NRG1: variants seen among roughly 807,000 people sequenced by gnomAD.
NRG1 encodes pro-neuregulin-1, membrane-bound isoform.
A neutral mutation model predicts 63.8 loss-of-function variants in NRG1; 18 were observed. That is an observed-to-expected ratio of 0.28 (90% CI 0.19 to 0.42). The LOEUF (loss-of-function observed/expected upper bound fraction) is 0.42, where lower values mean the gene tolerates loss of function less well. Ranked by LOEUF, NRG1 falls within the 10% of genes least tolerant of loss-of-function variation. NRG1 has a pLI of 1.00. For synonymous variants in NRG1, 302 were observed against 301.3 expected (o/e 1.00, Z -0.02); for missense variants, 762 against 814.7 (o/e 0.94, Z 0.79).
chr8:32,744,974 T>C (rs563745284), intron 7 of NRG1, among the ~76,000 whole-genome samples: 1 of 152,280 alleles, frequency 6.6e-6, no homozygotes, highest in African/African-American at 2.4e-5. Context: ...ATATTTAACC[T>C]GATTTAACAA....
intron 5 of NRG1, among the ~76,000 whole-genome samples, chr8:32,720,256 A>G (rs1233460743): frequency 6.6e-6 from 1 of 152,134 alleles, no homozygotes; most frequent in Non-Finnish European, 1.5e-5. Flanking sequence ...TAGTTTGGAA[A>G]GTGACAGGTT....
intron 5 of NRG1, among the ~76,000 whole-genome samples, chr8:32,664,740 C>A (rs1345310941): frequency 6.6e-6 from 1 of 152,020 alleles, no homozygotes; most frequent in African/African-American, 2.4e-5. Flanking sequence ...GGAAGGAATA[C>A]CACTGAACTA....
At chr8:32,438,663 C>A (rs990295316) in intron 1 of NRG1, among the ~76,000 whole-genome samples, 1 of 152,162 alleles carries the variant, frequency 6.6e-6, no homozygotes, top group Non-Finnish European at 1.5e-5. Flanking sequence ...AGCAATGTGA[C>A]AGCAATTGTT....
intron 1 of NRG1, among the ~76,000 whole-genome samples, chr8:31,941,380 C>T (rs1267028640): frequency 6.6e-6 from 1 of 152,034 alleles, no homozygotes; most frequent in Non-Finnish European, 1.5e-5. Flanking sequence ...GCAAAATCTG[C>T]ATAGAAGGGT....
At chr8:32,103,084 T>A (rs551046945) in intron 1 of NRG1, among the ~76,000 whole-genome samples, 1 of 152,196 alleles carries the variant, frequency 6.6e-6, no homozygotes, top group Non-Finnish European at 1.5e-5. Context: ...AATGTACAAA[T>A]ACATTATTTT....
chr8:31,651,578 G>A (rs574364184), intron 1 of NRG1, among the ~76,000 whole-genome samples: 4 of 152,348 alleles, frequency 2.6e-5, no homozygotes, highest in African/African-American at 9.6e-5. Context: ...TGAGATGCCA[G>A]TGTTGGGTTC....
Position 32,743,223 on chromosome 8 carries a change from G to A in NRG1, c.691+490G>A, listed in dbSNP as rs886582048. On this transcript the variant is annotated intron_variant, in intron 7 of 11. Transcript: ENST00000356819. ...TTTGTCACAAATAAACATAATAAAA[G>A]GAGTTCAGATGTTTTTCTTCATTAA... 5 of 985,364 alleles carry A rather than the reference G, an allele frequency of 5.1e-6. No homozygotes were observed. The African/African-American group carries it at 5.2e-5, about 10-fold the overall frequency. The allele number at this position is 985,364 out of a possible 1,614,324, so 61.0% of individuals were successfully genotyped here.
chr8:32,277,320 C>T (rs1455305733), intron 1 of NRG1, among the ~76,000 whole-genome samples: 2 of 151,990 alleles, frequency 1.3e-5, no homozygotes, highest in Admixed American at 6.6e-5. Flanking sequence ...GTTCATCTTA[C>T]AATAAAATTT....
chr8:31,784,741 A>G (rs1820019171), intron 1 of NRG1, among the ~76,000 whole-genome samples: 1 of 152,156 alleles, frequency 6.6e-6, no homozygotes, highest in African/African-American at 2.4e-5. Flanking sequence ...AAGCTGAGGA[A>G]CCAAATGCCT....
At chr8:32,409,219 G>A (rs564678302) in intron 1 of NRG1, among the ~76,000 whole-genome samples, 12 of 152,116 alleles carry the variant, frequency 7.9e-5, no homozygotes, top group South Asian at 2.1e-4. Context: ...AATGAAACTC[G>A]TTCCCCTATC....
intron 1 of NRG1, among the ~76,000 whole-genome samples, chr8:32,537,671 C>T (rs1832154695): frequency 6.6e-6 from 1 of 152,084 alleles, no homozygotes; most frequent in Non-Finnish European, 1.5e-5. Flanking sequence ...CAGGCTGAGA[C>T]TTTACTTTCA....
intron 5 of NRG1, among the ~76,000 whole-genome samples, chr8:32,679,377 T>C (rs1808024492): frequency 6.6e-6 from 1 of 152,178 alleles, no homozygotes; most frequent in African/African-American, 2.4e-5. Context: ...ATAAATGAAA[T>C]GCAGCTTTTG....
intron 1 of NRG1, among the ~76,000 whole-genome samples, chr8:31,824,076 G>C (rs1362073441): frequency 6.6e-6 from 1 of 151,764 alleles, no homozygotes; most frequent in Non-Finnish European, 1.5e-5. Context: ...GTGCAGGTTT[G>C]TTACATATGT....
At chr8:32,097,362 A>G (rs1387979066) in intron 1 of NRG1, among the ~76,000 whole-genome samples, 1 of 152,108 alleles carries the variant, frequency 6.6e-6, no homozygotes, top group Non-Finnish European at 1.5e-5. Context: ...TCAGTCCCCA[A>G]ATTGAGATTG....
intron 1 of NRG1, among the ~76,000 whole-genome samples, chr8:31,722,428 G>A (rs968233562): frequency 1.3e-5 from 2 of 151,880 alleles, no homozygotes; most frequent in Non-Finnish European, 1.5e-5. Flanking sequence ...TAGTATTATT[G>A]TTCACTGTCC....
At chr8:32,593,472 G>A (rs1842844100) in intron 1 of NRG1, among the ~76,000 whole-genome samples, 1 of 151,360 alleles carries the variant, frequency 6.6e-6, no homozygotes. Context: ...TGTCTAACAT[G>A]GCGAAACTCT....
intron 1 of NRG1, among the ~76,000 whole-genome samples, chr8:31,938,399 T>A (rs1585910492): frequency 6.6e-6 from 1 of 152,100 alleles, no homozygotes; most frequent in Admixed American, 6.5e-5. Context: ...GACAAAAGAA[T>A]CTGAACAGCA....
chr8:31,762,682 A>T (rs1451997920), intron 1 of NRG1, among the ~76,000 whole-genome samples: 1 of 152,202 alleles, frequency 6.6e-6, no homozygotes, highest in African/African-American at 2.4e-5. Flanking sequence ...GATAGCAGTG[A>T]TGAGGTCAGA....
intron 1 of NRG1, among the ~76,000 whole-genome samples, chr8:32,247,997 C>G (rs371634336): frequency 5.3e-5 from 8 of 152,020 alleles, no homozygotes; most frequent in South Asian, 2.1e-4. Context: ...ATTCATCAAG[C>G]CTTAGCTAGC....
Sources: gnomAD v4.1 joint callset for allele counts (sites outside exome capture counted in the v4.1 genomes callset) on GRCh38, gnomAD v4.1.1 for gene constraint, MANE v1.5 for transcripts, NCBI Gene and HGNC (gene_info 2026-07-23, HGNC 2026-07-21) for gene names.